The following RSU1 variants were observed in gnomAD, a reference collection of about 807,000 sequenced individuals.
The protein encoded by RSU1 is rsu-1.
Under a neutral mutation model 31.1 loss-of-function variants are expected in RSU1, and 26 were observed. The ratio of observed to expected loss-of-function variants is 0.84; its 90% CI spans 0.61 to 1.16. The LOEUF (loss-of-function observed/expected upper bound fraction) is 1.16, where lower values mean the gene tolerates loss of function less well. RSU1 is among the 50% of genes most tolerant of loss of function. RSU1 has a pLI of 0.00. For synonymous variants in RSU1, 164 were observed against 136.3 expected (o/e 1.20, Z -1.41); for missense variants, 320 against 339.1 (o/e 0.94, Z 0.44).
chr10:16,665,540 T>C (rs1172985692), intron 8 of RSU1, among the ~76,000 whole-genome samples: 1 of 152,216 alleles, frequency 6.6e-6, no homozygotes. Flanking sequence ...CAAACTTCCA[T>C]TCTTCCACAA....
At chr10:16,717,799 C>A (rs1322168570) in intron 7 of RSU1, among the ~76,000 whole-genome samples, 1 of 152,082 alleles carries the variant, frequency 6.6e-6, no homozygotes, top group South Asian at 2.1e-4. Flanking sequence ...TATCCCGCCT[C>A]TCAAGGATCT....
intron 8 of RSU1, among the ~76,000 whole-genome samples, chr10:16,607,482 T>C (rs1256570539): frequency 1.3e-5 from 2 of 152,174 alleles, no homozygotes; most frequent in African/African-American, 4.8e-5. Flanking sequence ...GGCTTTGGGA[T>C]TAATCCACTA....
intron 4 of RSU1, among the ~76,000 whole-genome samples, chr10:16,761,384 A>G (rs549135687): frequency 6.6e-6 from 1 of 152,300 alleles, no homozygotes; most frequent in South Asian, 2.1e-4. Context: ...AGCTAGAACA[A>G]TGCCTGGTAC....
intron 7 of RSU1, among the ~76,000 whole-genome samples, chr10:16,710,262 A>G (rs549162101): frequency 2.0e-4 from 31 of 152,288 alleles, no homozygotes; most frequent in African/African-American, 7.2e-4. Context: ...TACTGAAATG[A>G]TCATATTGTT....
intron 2 of RSU1, among the ~76,000 whole-genome samples, chr10:16,813,439 T>C (rs757956766): frequency 1.3e-5 from 2 of 152,222 alleles, no homozygotes; most frequent in Non-Finnish European, 2.9e-5. Context: ...GAACTGGGTA[T>C]GTCTGAGACA....
At chr10:16,674,915 C>T (rs1358493488) in intron 8 of RSU1, among the ~76,000 whole-genome samples, 2 of 152,070 alleles carry the variant, frequency 1.3e-5, no homozygotes, top group African/African-American at 4.8e-5. Context: ...CGCCTGTAAT[C>T]CCAGCTACTC....
rs79171836 is a variant in RSU1 at position 16,667,997 on chromosome 10, G to A, written c.731+27026C>T. On this transcript the variant is annotated intron_variant, in intron 8 of 8. Transcript: ENST00000345264. ...ATGAGAACAATAAATGCTAAAGGAG[G>A]AGCAAGGTATTCTGATAATAGAATA... Among the ~76,000 whole-genome samples the A allele has an allele frequency of 2.6e-5, 4 of 152,096 alleles. No individual in the cohort carries two copies. In the East Asian group the frequency reaches 7.7e-4, roughly 29 times the overall value.
chr10:16,603,254 A>G (rs1201461087), intron 8 of RSU1, among the ~76,000 whole-genome samples: 1 of 152,236 alleles, frequency 6.6e-6, no homozygotes, highest in Non-Finnish European at 1.5e-5. Flanking sequence ...AAGCTATATG[A>G]AAAATAGGCT....
chr10:16,707,452 G>A (rs908626874), intron 7 of RSU1, among the ~76,000 whole-genome samples: 1 of 152,010 alleles, frequency 6.6e-6, no homozygotes, highest in African/African-American at 2.4e-5. Context: ...TCGTGGTTCT[G>A]ATTTGCACTT....
chr10:16,719,702 C>T (rs1353599476), intron 7 of RSU1, among the ~76,000 whole-genome samples: 1 of 152,222 alleles, frequency 6.6e-6, no homozygotes, highest in Non-Finnish European at 1.5e-5. Context: ...CAGACTTGCT[C>T]AGTGTGATGC....
In RSU1 at chr10:16,619,893, G is replaced by A. The variant is rs73601035; in HGVS notation, c.732-26397C>T. On this transcript the variant is annotated intron_variant, in intron 8 of 8. Coordinates refer to ENST00000345264, the MANE Select transcript of RSU1 (RefSeq NM_012425.4). Reference sequence around the variant, plus strand: ...AAACATAACTTCTGCTTCTATTTTCGTATATTTCTTTCAAGTTTTCATCCA... The same window carrying A: ...AAACATAACTTCTGCTTCTATTTTCATATATTTCTTTCAAGTTTTCATCCA... Among the ~76,000 whole-genome samples, 626 of 152,104 alleles carry A rather than the reference G, an allele frequency of 4.1e-3. 5 individuals are homozygous for A. The highest frequency in any genetic ancestry group is 0.014 in the African/African-American group (579 of 41,476).
chr10:16,778,133 A>G (rs1009275117), intron 3 of RSU1, among the ~76,000 whole-genome samples: 21 of 150,456 alleles, frequency 1.4e-4, no homozygotes, highest in African/African-American at 4.7e-4. Context: ...TGATCCTCAC[A>G]CTACAGCCTC....
At chr10:16,670,626 A>G (rs1236841236) in intron 8 of RSU1, among the ~76,000 whole-genome samples, 2 of 152,166 alleles carry the variant, frequency 1.3e-5, no homozygotes, top group African/African-American at 4.8e-5. Context: ...TCTCAATTAG[A>G]TATCTCTCCA....
chr10:16,736,456 A>C (rs552859158), intron 7 of RSU1, among the ~76,000 whole-genome samples: 3 of 152,298 alleles, frequency 2.0e-5, no homozygotes, highest in East Asian at 3.9e-4. Context: ...CCCAGGAGTA[A>C]AGACTAGTAA....
At position 16,656,785 on chromosome 10, in the gene RSU1, C is replaced by T. The variant is rs562960760; in HGVS notation, c.731+38238G>A. Reference sequence around the variant, plus strand: ...AAAGCAAAGTGGCTTTAACAAAAGTCGGACATTTTATTCAGGGTTTTTAAG... The same window carrying T: ...AAAGCAAAGTGGCTTTAACAAAAGTTGGACATTTTATTCAGGGTTTTTAAG... On this transcript the variant is annotated intron_variant, in intron 8 of 8. Transcript: ENST00000345264. 5.9e-5 allele frequency among the ~76,000 whole-genome samples: 9 copies of T among 152,258 alleles called. No homozygotes were observed. In the South Asian group the frequency reaches 1.0e-3, roughly 18 times the overall value.
chr10:16,739,761 A>G (rs979720673), intron 7 of RSU1, among the ~76,000 whole-genome samples: 11 of 151,888 alleles, frequency 7.2e-5, no homozygotes, highest in African/African-American at 2.2e-4. Context: ...ACAGGTGTGC[A>G]CCACCACACT....
chr10:16,792,167 T>C (rs1169260681), intron 2 of RSU1, among the ~76,000 whole-genome samples: 1 of 152,178 alleles, frequency 6.6e-6, no homozygotes, highest in African/African-American at 2.4e-5. Flanking sequence ...CAATCACCAG[T>C]TCAGCTCACA....
chr10:16,802,390 T>C (rs909727707), intron 2 of RSU1, among the ~76,000 whole-genome samples: 10 of 152,030 alleles, frequency 6.6e-5, no homozygotes, highest in African/African-American at 2.4e-4. Context: ...AACAGATCAT[T>C]TGAGTGGGCC....
At chr10:16,747,029 G>A (rs1263185944) in intron 7 of RSU1, among the ~76,000 whole-genome samples, 2 of 152,052 alleles carry the variant, frequency 1.3e-5, no homozygotes, top group African/African-American at 2.4e-5. Context: ...TGTCTCATAA[G>A]AGAACCCCTT....
Sources: gnomAD v4.1 joint callset for allele counts (sites outside exome capture counted in the v4.1 genomes callset) on GRCh38, gnomAD v4.1.1 for gene constraint, MANE v1.5 for transcripts, NCBI Gene and HGNC (gene_info 2026-07-23, HGNC 2026-07-21) for gene names.